The following ADARB2 variants were observed in gnomAD, a reference collection of about 807,000 sequenced individuals.
ADARB2 encodes the protein inactive double-stranded RNA-specific editase B2.
ADARB2 carries 25 observed loss-of-function variants against 62.2 expected under a neutral mutation model. The ratio of observed to expected loss-of-function variants is 0.40; its 90% CI spans 0.29 to 0.56. The LOEUF is 0.56. Ranked by LOEUF, ADARB2 falls within the 20% of genes least tolerant of loss-of-function variation. ADARB2 has a pLI of 0.43. For missense variants in ADARB2, 1,071 were observed against 1,077.4 expected (o/e 0.99, Z 0.08); for synonymous variants, 572 against 500.8 (o/e 1.14, Z -1.90).
At chr10:1,342,418 A>G (rs1832038633) in intron 3 of ADARB2, among the ~76,000 whole-genome samples, 1 of 152,196 alleles carries the variant, frequency 6.6e-6, no homozygotes. Flanking sequence ...TAAACATTAC[A>G]GCATCGAGAA....
intron 1 of ADARB2, among the ~76,000 whole-genome samples, chr10:1,584,937 C>T (rs189661808): frequency 1.7e-4 from 26 of 152,126 alleles, no homozygotes; most frequent in African/African-American, 6.0e-4. Flanking sequence ...CAGGGGTTGC[C>T]AGGGTTTGGA....
intron 1 of ADARB2, among the ~76,000 whole-genome samples, chr10:1,719,650 C>G (rs1489288117): frequency 6.3e-4 from 96 of 152,302 alleles, no homozygotes; most frequent in Non-Finnish European, 5.9e-5. Flanking sequence ...AACCATGTAT[C>G]TGACAAAGGT....
intron 3 of ADARB2, among the ~76,000 whole-genome samples, chr10:1,308,446 A>T (rs1831652752): frequency 6.6e-6 from 1 of 152,250 alleles, no homozygotes; most frequent in Non-Finnish European, 1.5e-5. Context: ...ACTATGATAA[A>T]GCTACTATAA....
intron 3 of ADARB2, among the ~76,000 whole-genome samples, chr10:1,310,731 C>G (rs1184421267): frequency 2.0e-5 from 3 of 152,134 alleles, no homozygotes; most frequent in African/African-American, 7.2e-5. Flanking sequence ...GGAGGAGGCT[C>G]TCCAGGCCCC....
chr10:1,269,642 C>G (rs904398647), intron 4 of ADARB2, among the ~76,000 whole-genome samples: 1 of 152,024 alleles, frequency 6.6e-6, no homozygotes, highest in African/African-American at 2.4e-5. Flanking sequence ...GGGCTGGATT[C>G]TGTGCTAGGA....
At chr10:1,604,704 C>T (rs1112787) in intron 1 of ADARB2, among the ~76,000 whole-genome samples, 37,231 of 152,140 alleles carry the variant, frequency 0.24, 4,743 homozygotes, top group Non-Finnish European at 0.27. Context: ...TACCTGTAAC[C>T]GGTCCTTGTC....
chr10:1,462,463 G>A (rs1165300159), intron 1 of ADARB2, among the ~76,000 whole-genome samples: 1 of 152,256 alleles, frequency 6.6e-6, no homozygotes, highest in African/African-American at 2.4e-5. Context: ...TTCAGAATGG[G>A]ATGAGGCTGG....
intron 3 of ADARB2, among the ~76,000 whole-genome samples, chr10:1,294,508 T>C (rs1401432858): frequency 6.6e-6 from 1 of 152,142 alleles, no homozygotes; most frequent in Non-Finnish European, 1.5e-5. Flanking sequence ...AAACTGATTC[T>C]CGAAGAAGGC....
At chr10:1,511,599 G>A (rs972283911) in intron 1 of ADARB2, among the ~76,000 whole-genome samples, 2 of 152,104 alleles carry the variant, frequency 1.3e-5, no homozygotes, top group African/African-American at 2.4e-5. Flanking sequence ...ACACATATGA[G>A]CCATTAATGC....
chr10:1,494,023 G>A (rs945064819), intron 1 of ADARB2, among the ~76,000 whole-genome samples: 1 of 151,722 alleles, frequency 6.6e-6, no homozygotes, highest in Non-Finnish European at 1.5e-5. Flanking sequence ...CAAAGTGCTG[G>A]GATTACATGT....
intron 1 of ADARB2, among the ~76,000 whole-genome samples, chr10:1,646,813 T>C (rs1385424027): frequency 6.6e-6 from 1 of 152,238 alleles, no homozygotes; most frequent in Non-Finnish European, 1.5e-5. Flanking sequence ...ACCCTGGAGA[T>C]ACACTGAGTG....
intron 3 of ADARB2, among the ~76,000 whole-genome samples, chr10:1,277,245 A>T (rs1831326144): frequency 6.6e-6 from 1 of 152,248 alleles, no homozygotes; most frequent in Admixed American, 6.5e-5. Flanking sequence ...AAGGCAAGAA[A>T]TAACTAAGAT....
chr10:1,319,482 CAAAAT>C (rs550642607), intron 3 of ADARB2, among the ~76,000 whole-genome samples: 308 of 152,156 alleles, frequency 2.0e-3, no homozygotes, highest in African/African-American at 7.2e-3. Flanking sequence ...CCATCATAAT[CAAAAT>C]AAAAAGCAAA....
At chr10:1,544,367 C>T (rs948417942) in intron 1 of ADARB2, among the ~76,000 whole-genome samples, 6 of 152,168 alleles carry the variant, frequency 3.9e-5, no homozygotes, top group South Asian at 2.1e-4. Context: ...GTGCCACCTT[C>T]GGGGGCTCTG....
At chr10:1,574,418 C>T (rs188639126) in intron 1 of ADARB2, among the ~76,000 whole-genome samples, 30 of 152,258 alleles carry the variant, frequency 2.0e-4, no homozygotes, top group African/African-American at 5.8e-4. Context: ...AGCCAGAGGA[C>T]GGGTTAGAAG....
rs374131563 is a variant in ADARB2, at chr10:1,286,640, G to A, written c.1078-15571C>T. Among the ~76,000 whole-genome samples, 30 of 152,290 alleles carry A rather than the reference G, an allele frequency of 2.0e-4. No individual in the cohort carries two copies. In the South Asian group the frequency reaches 5.0e-3, roughly 25 times the overall value. On this transcript the variant is annotated intron_variant, in intron 3 of 9. Transcript: ENST00000381312. ...GTTCTGCCACCACCTTCCCCCAGCT[G>A]CATGACCACTACGGGGCAATTGGGG...
chr10:1,507,175 G>A (rs1370443053), intron 1 of ADARB2, among the ~76,000 whole-genome samples: 1 of 152,258 alleles, frequency 6.6e-6, no homozygotes, highest in Non-Finnish European at 1.5e-5. Flanking sequence ...CCCTATAGGA[G>A]GGCAGAGCTG....
intron 1 of ADARB2, among the ~76,000 whole-genome samples, chr10:1,538,134 T>C (rs1230480380): frequency 6.6e-6 from 1 of 152,196 alleles, no homozygotes; most frequent in Non-Finnish European, 1.5e-5. Flanking sequence ...AGGCTGGATG[T>C]ACTGAGCACC....
At chr10:1,529,902 G>A (rs76390142) in intron 1 of ADARB2, among the ~76,000 whole-genome samples, 12 of 44,184 alleles carry the variant, frequency 2.7e-4, no homozygotes, top group South Asian at 1.6e-3. Flanking sequence ...CTGCCACCAC[G>A]GACACCCATC....
Sources: allele counts gnomAD v4.1 joint callset (sites outside exome capture counted in the v4.1 genomes callset), GRCh38; gene constraint gnomAD v4.1.1; transcripts MANE v1.5; gene names NCBI Gene and HGNC (gene_info 2026-07-23, HGNC 2026-07-21).